Variants in NRXN3 observed in about 807,000 individuals in gnomAD.
NRXN3 encodes neurexin 3.
Under a neutral mutation model 137.6 loss-of-function variants are expected in NRXN3, and 32 were observed. The ratio of observed to expected loss-of-function variants is 0.23; its 90% confidence interval spans 0.18 to 0.31. NRXN3 has a LOEUF of 0.31. Ranked by LOEUF, NRXN3 falls within the 10% of genes least tolerant of loss-of-function variation. The pLI, the probability that NRXN3 is intolerant of heterozygous loss-of-function variation, is 1.00. For missense variants in NRXN3, 1,574 were observed against 2,062.5 expected (o/e 0.76, Z 4.59); for synonymous variants, 798 against 784.5 (o/e 1.02, Z -0.29).
intron 4 of NRXN3, among the ~76,000 whole-genome samples, chr14:78,515,390 CTTAT>C (rs1458435180): frequency 6.6e-6 from 1 of 152,032 alleles, no homozygotes; most frequent in Admixed American, 6.6e-5. Context: ...TAAGGTTTGG[CTTAT>C]TTGTTTTGGG....
chr14:79,705,875 G>T (rs2098776254), intron 19 of NRXN3, among the ~76,000 whole-genome samples: 1 of 152,152 alleles, frequency 6.6e-6, no homozygotes, highest in African/African-American at 2.4e-5. Context: ...TTAGTAGATT[G>T]TGAGTTCTAG....
intron 8 of NRXN3, among the ~76,000 whole-genome samples, chr14:78,771,276 G>A (rs2098726909): frequency 6.6e-6 from 1 of 152,128 alleles, no homozygotes; most frequent in Non-Finnish European, 1.5e-5. Context: ...AAGGATCGAT[G>A]TCTAAGCTCT....
At position 79,617,930 on chromosome 14, in the gene NRXN3, A is replaced by AAAAAAAAAAAAAG. The variant is rs1385000688; in HGVS notation, c.3445-45846_3445-45845insAAAAAAAAAAGAA. Among the ~76,000 whole-genome samples, 67 of 148,822 alleles carry AAAAAAAAAAAAAG rather than the reference A, an allele frequency of 4.5e-4. 4 individuals are homozygous for AAAAAAAAAAAAAG. Among genetic ancestry groups the AAAAAAAAAAAAAG allele is most frequent in the African/African-American group, 1.7e-3 (65 of 38,642 alleles). On this transcript the variant is annotated intron_variant, in intron 16 of 20. Transcript: ENST00000335750. ...GCTGAATAGCAGCAAAAAAAAAAAA[A>AAAAAAAAAAAAAG]AACATGCTTATGAAGAGCTGCCTAG...
At chr14:79,330,890 A>G (rs940112744) in intron 15 of NRXN3, among the ~76,000 whole-genome samples, 7 of 152,238 alleles carry the variant, frequency 4.6e-5, no homozygotes, top group Non-Finnish European at 8.8e-5. Context: ...AATCATGTTT[A>G]TAGTGTAGAT....
chr14:79,095,419 G>A (rs1236559562), intron 15 of NRXN3, among the ~76,000 whole-genome samples: 4 of 152,082 alleles, frequency 2.6e-5, no homozygotes, highest in African/African-American at 9.7e-5. Context: ...AGTTTTGGAT[G>A]CTCAACAACT....
At chr14:79,444,695 A>G (rs1313557152) in intron 15 of NRXN3, among the ~76,000 whole-genome samples, 3 of 152,144 alleles carry the variant, frequency 2.0e-5, no homozygotes, top group Admixed American at 6.5e-5. Context: ...GGACATGGTG[A>G]CCCATGCCTG....
At chr14:78,773,800 G>T (rs1395252872) in intron 8 of NRXN3, among the ~76,000 whole-genome samples, 1 of 151,870 alleles carries the variant, frequency 6.6e-6, no homozygotes, top group Non-Finnish European at 1.5e-5. Flanking sequence ...TTATTTGTTT[G>T]TTTGTTTGTT....
intron 2 of NRXN3, among the ~76,000 whole-genome samples, chr14:78,246,006 C>A (rs1280773253): frequency 6.6e-6 from 1 of 152,216 alleles, no homozygotes; most frequent in African/African-American, 2.4e-5. Flanking sequence ...AAAGTTCTGC[C>A]TGAAGACGCT....
chr14:79,091,959 T>A (rs952871249), intron 15 of NRXN3, among the ~76,000 whole-genome samples: 3 of 152,192 alleles, frequency 2.0e-5, no homozygotes, highest in African/African-American at 7.2e-5. Flanking sequence ...TAGAACTGAA[T>A]GTGATTTCTA....
chr14:78,357,866 A>G (rs1315883301), intron 4 of NRXN3, among the ~76,000 whole-genome samples: 1 of 152,208 alleles, frequency 6.6e-6, no homozygotes, highest in African/African-American at 2.4e-5. Context: ...TAACAACAGC[A>G]ATAATAATAG....
chr14:78,441,580 AT>A lies in NRXN3; in HGVS notation c.757+143732del, dbSNP rs767656085. Reference sequence around the variant, plus strand: ...AGTACAGTATCACACCATTCATATTATTTTTTTTTTTTGGTTTTGAGTTTGT... The same window carrying A: ...AGTACAGTATCACACCATTCATATTATTTTTTTTTTTGGTTTTGAGTTTGT... On this transcript the variant is annotated intron_variant, in intron 4 of 20. Coordinates refer to ENST00000335750, the MANE Select transcript of NRXN3 (RefSeq NM_001330195.2). Among the ~76,000 whole-genome samples the A allele has an allele frequency of 8.2e-3, 1,079 of 132,342 alleles. 5 individuals are homozygous for A. The highest frequency in any genetic ancestry group is 0.026 in the Middle Eastern group (7 of 270). 86.8% of individuals were successfully genotyped at this position (132,342 alleles called of 152,430 possible). A position where few individuals can be genotyped will look rare whatever the true frequency, so the allele number is the denominator to read the frequency against.
chr14:79,492,158 A>G (rs1337353496), intron 16 of NRXN3, among the ~76,000 whole-genome samples: 21 of 152,228 alleles, frequency 1.4e-4, no homozygotes, highest in Non-Finnish European at 2.9e-5. Context: ...CTCTTGAGTT[A>G]GTGGATATAT....
intron 4 of NRXN3, among the ~76,000 whole-genome samples, chr14:78,531,147 C>T (rs949606506): frequency 2.0e-5 from 3 of 152,202 alleles, no homozygotes; most frequent in East Asian, 3.8e-4. Flanking sequence ...GCCCTCTTCT[C>T]ATGGCAATAG....
At chr14:79,119,729 C>T (rs1165708059) in intron 15 of NRXN3, among the ~76,000 whole-genome samples, 4 of 152,128 alleles carry the variant, frequency 2.6e-5, no homozygotes, top group Admixed American at 6.6e-5. Flanking sequence ...AGCCTGTCTG[C>T]TCTTGGTAAG....
chr14:79,509,898 A>G (rs975754195), intron 16 of NRXN3, among the ~76,000 whole-genome samples: 9 of 152,194 alleles, frequency 5.9e-5, no homozygotes, highest in African/African-American at 2.2e-4. Flanking sequence ...CCAAAAAACA[A>G]CAACCTCCAA....
intron 4 of NRXN3, among the ~76,000 whole-genome samples, chr14:78,361,240 G>T (rs1323269254): frequency 6.6e-6 from 1 of 152,156 alleles, no homozygotes; most frequent in African/African-American, 2.4e-5. Context: ...TCTGGGCATG[G>T]GTCCTGATAC....
intron 15 of NRXN3, among the ~76,000 whole-genome samples, chr14:79,291,195 C>T (rs956659171): frequency 2.6e-5 from 4 of 152,118 alleles, no homozygotes; most frequent in Admixed American, 2.0e-4. Flanking sequence ...AAGTTAAACA[C>T]AAGATGATAG....
chr14:79,804,778 C>T (rs1237481628), intron 19 of NRXN3, among the ~76,000 whole-genome samples: 4 of 152,150 alleles, frequency 2.6e-5, no homozygotes, highest in African/African-American at 7.2e-5. Flanking sequence ...AGCCCTTCTC[C>T]TGTCCTTCTG....
At chr14:79,822,048 C>A (rs2099274347) in intron 20 of NRXN3, among the ~76,000 whole-genome samples, 1 of 152,032 alleles carries the variant, frequency 6.6e-6, no homozygotes, top group Non-Finnish European at 1.5e-5. Flanking sequence ...TATCATTGAC[C>A]CACTTAGGGC....
Sources: allele counts gnomAD v4.1 joint callset (sites outside exome capture counted in the v4.1 genomes callset), GRCh38; gene constraint gnomAD v4.1.1; transcripts MANE v1.5; gene names NCBI Gene and HGNC (gene_info 2026-07-23, HGNC 2026-07-21).